The following PIK3R4 variants were observed in gnomAD, a reference collection of about 807,000 sequenced individuals.
PIK3R4 encodes phosphoinositide 3-kinase regulatory subunit 4.
In PIK3R4, 46 loss-of-function variants were observed where a neutral mutation model predicts 136.5. The ratio of observed to expected loss-of-function variants is 0.34; its 90% CI spans 0.27 to 0.43. The LOEUF (loss-of-function observed/expected upper bound fraction) is 0.43, where lower values mean the gene tolerates loss of function less well. Ranked by LOEUF, PIK3R4 falls within the 20% of genes least tolerant of loss-of-function variation. The probability of loss-of-function intolerance (pLI) is 1.00; values close to 1 mark genes in which losing one functional copy is unlikely to be tolerated. For synonymous variants in PIK3R4, 557 were observed against 566.7 expected (o/e 0.98, Z 0.24); for missense variants, 1,331 against 1,649.5 (o/e 0.81, Z 3.35).
rs1251530858 is a variant in PIK3R4 at position 130,723,500 on chromosome 3, A to G, written c.1895T>C (p.Ile632Thr). The change falls in exon 7 of 20, where the codon ATT becomes ACT. Residue 632 changes from isoleucine (I) to threonine (T), a missense_variant. Ile to Thr is a moderately conservative substitution (Grantham distance 89). Transcript: ENST00000356763. ...QGLSDAEEFV[I>T]VKALYALTCM... is the part of the protein sequence containing the mutation. ...AGTAAGGGCATAAAGAGCTTTCACA[A>G]TGACAAATTCCTCAGCATCACTAAG... 4 of 1,614,130 alleles carry G rather than the reference A, an allele frequency of 2.5e-6. No homozygotes were observed. The highest frequency in any genetic ancestry group is 1.6e-4 in the Middle Eastern group (1 of 6,062).
chr3:130,681,444 G>T, intron 17 of PIK3R4, 47 bp downstream of exon 17: 1 of 1,154,422 alleles, frequency 8.7e-7, no homozygotes, highest in South Asian at 1.2e-5. Context: ...AAGTACTTAG[G>T]ATGTGGGGAA....
intron 13 of PIK3R4, among the ~76,000 whole-genome samples, chr3:130,696,833 G>A (rs1372726141): frequency 6.6e-6 from 1 of 151,954 alleles, no homozygotes; most frequent in African/African-American, 2.4e-5. Flanking sequence ...TATCCATCTT[G>A]AAAATAAGCT....
rs902584714 is a variant in PIK3R4, at chr3:130,689,452, G to T, written c.3263+1038C>A. Among the ~76,000 whole-genome samples, 4 of 152,140 alleles carry T rather than the reference G, an allele frequency of 2.6e-5. No homozygotes were observed. In the South Asian group the frequency reaches 8.3e-4, roughly 32 times the overall value. On this transcript the variant is annotated intron_variant, in intron 14 of 19. Transcript: ENST00000356763. ...AATAGGCTGGTATTTGTTATTAAAGGCCATAAAGAATATGTCCTGGACAAA... is the reference window on the plus strand; with the variant it reads ...AATAGGCTGGTATTTGTTATTAAAGTCCATAAAGAATATGTCCTGGACAAA...
chr3:130,742,734 A>G (rs1410057790), intron 2 of PIK3R4, among the ~76,000 whole-genome samples: 1 of 152,196 alleles, frequency 6.6e-6, no homozygotes, highest in Non-Finnish European at 1.5e-5. Context: ...TGTTTTTTGT[A>G]ATAAACCTAC....
chr3:130,685,831 A>G (rs1258318817), intron 15 of PIK3R4, among the ~76,000 whole-genome samples: 1 of 152,156 alleles, frequency 6.6e-6, no homozygotes, highest in African/African-American at 2.4e-5. Context: ...GGAGTTAAAT[A>G]ACCTGCCTAA....
chr3:130,716,935 C>T (rs1406461065), intron 8 of PIK3R4, among the ~76,000 whole-genome samples: 1 of 152,214 alleles, frequency 6.6e-6, no homozygotes, highest in Non-Finnish European at 1.5e-5. Flanking sequence ...GTTCACAGGT[C>T]TGACAACCAG....
intron 7 of PIK3R4, among the ~76,000 whole-genome samples, chr3:130,720,507 G>A (rs921131389): frequency 1.1e-4 from 16 of 152,122 alleles, no homozygotes; most frequent in Non-Finnish European, 1.5e-4. Flanking sequence ...ACAAATGTGG[G>A]GGAAAATATT....
intron 17 of PIK3R4, 48 bp downstream of exon 17, chr3:130,681,443 G>A: frequency 8.7e-7 from 1 of 1,151,012 alleles, no homozygotes; most frequent in Non-Finnish European, 1.3e-6. Context: ...AAAGTACTTA[G>A]GATGTGGGGA....
rs1576466923 is a variant in PIK3R4 at position 130,746,544 on chromosome 3, C to T, written c.-273G>A. On this transcript the variant is annotated 5_prime_UTR_variant, in exon 1 of 20. Coordinates refer to ENST00000356763, the MANE Select transcript of PIK3R4 (RefSeq NM_014602.3). ...GGAGAACTGGGAAAGCTCTCGGGGT[C>T]TCAGCAGAGAGAAGAAGCCACGCTA... 1 of 152,246 alleles carries T rather than the reference C, an allele frequency of 6.6e-6. No individual in the cohort carries two copies. 9.4% of individuals were successfully genotyped at this position (152,246 alleles called of 1,614,324 possible). A position where few individuals can be genotyped will look rare whatever the true frequency, so the allele number is the denominator to read the frequency against.
Position 130,685,906 on chromosome 3 carries a change from C to T in PIK3R4, c.3475+305G>A, listed in dbSNP as rs1302972200. On this transcript the variant is annotated intron_variant, in intron 15 of 19. Coordinates refer to ENST00000356763, the MANE Select transcript of PIK3R4 (RefSeq NM_014602.3). ...GCTATTTTCCTTAAGTCTGCTGCTT[C>T]ACTGCCAGAGTAAGAGAATGCCAGC... Among the ~76,000 whole-genome samples, 4 of 152,150 alleles carry T rather than the reference C, an allele frequency of 2.6e-5. No individual in the cohort carries two copies. The East Asian group carries it at 7.7e-4, about 29-fold the overall frequency.
At position 130,746,452 on chromosome 3, in the gene PIK3R4, G is replaced by A. The variant is rs2066853875; in HGVS notation, c.-181C>T. Reference sequence around the variant, plus strand: ...TACGAAGGGTCTTTCTTCATAGACAGGAGATGGGCTGTTGGTGGAGGGGCG... The same window carrying A: ...TACGAAGGGTCTTTCTTCATAGACAAGAGATGGGCTGTTGGTGGAGGGGCG... On this transcript the variant is annotated 5_prime_UTR_variant, in exon 1 of 20. Coordinates refer to ENST00000356763, the MANE Select transcript of PIK3R4 (RefSeq NM_014602.3). 1 of 152,332 alleles carries A rather than the reference G, an allele frequency of 6.6e-6. No homozygotes were observed. The highest frequency in any genetic ancestry group is 1.5e-5 in the Non-Finnish European group (1 of 68,142). The allele number at this position is 152,332 out of a possible 1,614,324, so 9.4% of individuals were successfully genotyped here. A position where few individuals can be genotyped will look rare whatever the true frequency, so the allele number is the denominator to read the frequency against.
intron 16 of PIK3R4, 37 bp from the exon 17 acceptor site, chr3:130,681,628 A>G: frequency 7.9e-7 from 1 of 1,265,858 alleles, no homozygotes; most frequent in East Asian, 2.3e-5. Flanking sequence ...GACTCAGACA[A>G]AAAGAGTTGG....
chr3:130,712,669 A>G (rs1323004953), intron 9 of PIK3R4, among the ~76,000 whole-genome samples: 1 of 151,698 alleles, frequency 6.6e-6, no homozygotes, highest in African/African-American at 2.4e-5. Flanking sequence ...CATCTCAATT[A>G]AAAAAAGAAA....
At chr3:130,728,840 A>G (rs1177813270) in intron 5 of PIK3R4, among the ~76,000 whole-genome samples, 156 bp from the exon 6 acceptor site, 2 of 152,144 alleles carry the variant, frequency 1.3e-5, no homozygotes, top group Non-Finnish European at 2.9e-5. Context: ...AATTTTTTGC[A>G]TTATTCAAAG....
At chr3:130,693,733 C>T (rs1462361828) in intron 13 of PIK3R4, among the ~76,000 whole-genome samples, 1 of 152,038 alleles carries the variant, frequency 6.6e-6, no homozygotes, top group Admixed American at 6.6e-5. Context: ...ATTGTCTTTT[C>T]ACTTTCTTGA....
intron 1 of PIK3R4, among the ~76,000 whole-genome samples, chr3:130,745,944 C>T (rs2107625131): frequency 6.6e-6 from 1 of 152,040 alleles, no homozygotes; most frequent in South Asian, 2.1e-4. Flanking sequence ...TGCTTGAACC[C>T]AGGACGCAGA....
intron 2 of PIK3R4, among the ~76,000 whole-genome samples, chr3:130,740,619 A>G (rs2066816959): frequency 6.6e-6 from 1 of 152,158 alleles, no homozygotes; most frequent in South Asian, 2.1e-4. Context: ...ACATGCCTGC[A>G]ATCCCAGCTA....
In PIK3R4 at chr3:130,680,649, G is replaced by C. The variant is rs775418471; in HGVS notation, c.3870C>G (p.Tyr1290Ter). 6.2e-7 allele frequency: 1 copy of C among 1,612,076 alleles called. No homozygotes were observed. Among genetic ancestry groups the C allele is most frequent in the South Asian group, 1.1e-5 (1 of 90,978 alleles). Reference protein sequence around the residue: ...AGSTSSPSVSYYRKIIEGTEV... With the variant: ...AGSTSSPSVS ...CAGTGCCTTCAATTATTTTCCTGTA[G>C]TAGGACACAGATGGGGAACTAGTAC... The change falls in exon 19 of 20, where the codon TAC (tyrosine) becomes TAG (stop). Residue 1290 changes from tyrosine to a stop codon, truncating the protein, a stop_gained. Coordinates refer to ENST00000356763, the MANE Select transcript of PIK3R4 (RefSeq NM_014602.3). LOFTEE classifies it high-confidence loss of function.
intron 13 of PIK3R4, among the ~76,000 whole-genome samples, chr3:130,696,095 C>T (rs2107604084): frequency 6.6e-6 from 1 of 152,120 alleles, no homozygotes; most frequent in South Asian, 2.1e-4. Flanking sequence ...TTTCATAGTA[C>T]TCTTTTTTTA....
Sources: gnomAD v4.1 joint callset for allele counts (sites outside exome capture counted in the v4.1 genomes callset) on GRCh38, gnomAD v4.1.1 for gene constraint, MANE v1.5 for transcripts, NCBI Gene and HGNC (gene_info 2026-07-23, HGNC 2026-07-21) for gene names.